The following NRXN1 variants were observed in gnomAD, a reference collection of about 807,000 sequenced individuals.
The protein encoded by NRXN1 is neurexin 1.
NRXN1 carries 39 observed loss-of-function variants against 150.9 expected under a neutral mutation model. The observed-to-expected ratio is 0.26, with a 90% CI of 0.20 to 0.34. The LOEUF (loss-of-function observed/expected upper bound fraction) is 0.34. NRXN1 is among the 10% of genes least tolerant of loss of function. The pLI, the probability that NRXN1 is intolerant of heterozygous loss-of-function variation, is 1.00. For missense variants in NRXN1, 1,815 were observed against 1,949.9 expected, an observed-to-expected ratio of 0.93 and a Z score of 1.30; for synonymous variants, 924 against 757.0, an observed-to-expected ratio of 1.22 and a Z score of -3.62.
At chr2:50,737,301 G>A (rs1698887213) in intron 5 of NRXN1, among the ~76,000 whole-genome samples, 1 of 152,158 alleles carries the variant, frequency 6.6e-6, no homozygotes, top group Non-Finnish European at 1.5e-5. Context: ...AAAGGTCAGT[G>A]TTTGAAAATT....
At chr2:50,260,629 G>GTT (rs10601394) in intron 17 of NRXN1, among the ~76,000 whole-genome samples, 1,691 of 113,038 alleles carry the variant, frequency 0.015, 41 homozygotes, top group African/African-American at 0.053. Context: ...TTTTTTTTCC[G>GTT]TTTTTTTTTT....
intron 18 of NRXN1, among the ~76,000 whole-genome samples, chr2:50,212,299 C>CAAA (rs10668763): frequency 0.07 from 7,585 of 108,162 alleles, 245 homozygotes; most frequent in South Asian, 0.15. Flanking sequence ...TTTGAATTTG[C>CAAA]AAAAAAAAAA....
At chr2:49,983,191 T>C (rs1488700327) in intron 21 of NRXN1, among the ~76,000 whole-genome samples, 3 of 152,192 alleles carry the variant, frequency 2.0e-5, no homozygotes, top group Non-Finnish European at 2.9e-5. Flanking sequence ...GTGTTTGTTA[T>C]AGTTTGTATA....
At chr2:50,914,885 C>A (rs1276965996) in intron 5 of NRXN1, among the ~76,000 whole-genome samples, 1 of 151,590 alleles carries the variant, frequency 6.6e-6, no homozygotes, top group Non-Finnish European at 1.5e-5. Flanking sequence ...TCTATTTGTG[C>A]CAGTCACTGC....
At chr2:50,436,243 C>T (rs984102832) in intron 17 of NRXN1, among the ~76,000 whole-genome samples, 3 of 152,064 alleles carry the variant, frequency 2.0e-5, no homozygotes, top group Non-Finnish European at 4.4e-5. Flanking sequence ...CACCAGAGGT[C>T]GGGAGTTCGA....
rs918304622 is a variant in NRXN1 at position 49,920,596 on chromosome 2, G to C, written c.*1348C>G. 4 of 152,320 alleles carry C rather than the reference G, an allele frequency of 2.6e-5. No individual in the cohort carries two copies. Among genetic ancestry groups the C allele is most frequent in the African/African-American group, 9.7e-5 (4 of 41,336 alleles). The allele number at this position is 152,320 out of a possible 1,614,324, so 9.4% of individuals were successfully genotyped here. A position where few individuals can be genotyped will look rare whatever the true frequency, so the allele number is the denominator to read the frequency against. On this transcript the variant is annotated 3_prime_UTR_variant, in exon 23 of 23. Transcript: ENST00000401669. ...TCACCCCATTTGTCATCAATACCTT[G>C]GCACAACCCTCTTCCTTCCTGCTTT... is the stretch of plus-strand genomic sequence containing the variant.
At chr2:50,478,695 C>G (rs1491002869) in intron 15 of NRXN1, among the ~76,000 whole-genome samples, 1 of 152,174 alleles carries the variant, frequency 6.6e-6, no homozygotes, top group Non-Finnish European at 1.5e-5. Flanking sequence ...CTAGGTCCAG[C>G]CTAAAATCAA....
chr2:50,856,153 A>C (rs1675244858), intron 5 of NRXN1, among the ~76,000 whole-genome samples: 1 of 151,998 alleles, frequency 6.6e-6, no homozygotes, highest in African/African-American at 2.4e-5. Flanking sequence ...GAGATAATAA[A>C]CTTCAACCAT....
At chr2:50,396,217 G>C (rs1239149265) in intron 17 of NRXN1, among the ~76,000 whole-genome samples, 1 of 152,126 alleles carries the variant, frequency 6.6e-6, no homozygotes, top group African/African-American at 2.4e-5. Context: ...AGATAAAAGT[G>C]TAAGTGGTTT....
At chr2:50,715,091 T>C (rs757599782) in intron 5 of NRXN1, among the ~76,000 whole-genome samples, 3 of 152,084 alleles carry the variant, frequency 2.0e-5, no homozygotes, top group African/African-American at 7.2e-5. Flanking sequence ...TGGAAAACAA[T>C]GCAAAAATTT....
At chr2:50,488,552 C>A (rs764074765) in intron 15 of NRXN1, among the ~76,000 whole-genome samples, 1 of 152,180 alleles carries the variant, frequency 6.6e-6, no homozygotes, top group African/African-American at 2.4e-5. Flanking sequence ...TGGCTTATTG[C>A]TAAGAGCTTT....
In NRXN1 at chr2:50,346,778, G is replaced by A; in HGVS notation, c.3365-109808C>T. 1 of 1,613,768 alleles carries A rather than the reference G, an allele frequency of 6.2e-7. No homozygotes were observed. Among genetic ancestry groups the A allele is most frequent in the Non-Finnish European group, 8.5e-7 (1 of 1,179,966 alleles). ...CTGCTGCCATGGAAATGGTGGATGT[G>A]GTGCGCTCCCAAACTGGATGCCCCC... On this transcript the variant is annotated intron_variant, in intron 17 of 22. Coordinates refer to ENST00000401669, the MANE Select transcript of NRXN1 (RefSeq NM_001330078.2). This position sits in a 1 kb window ranked among gnomAD's most constrained non-coding sequence, Gnocchi z 5.0.
In NRXN1 at chr2:50,510,424, T is replaced by C. The variant is rs577975033; in HGVS notation, c.2375-3807A>G. Among the ~76,000 whole-genome samples the C allele has an allele frequency of 4.0e-3, 521 of 129,610 alleles. 1 individual carries two copies. Among genetic ancestry groups the C allele is most frequent in the African/African-American group, 0.015 (507 of 34,254 alleles). 85.0% of individuals were successfully genotyped at this position (129,610 alleles called of 152,430 possible). On this transcript the variant is annotated intron_variant, in intron 12 of 22. Transcript: ENST00000401669. The stretch of plus-strand genomic sequence containing the variant: ...TTGCTTGAACCCAGGAGGCGGAGGT[T>C]GCAGTGAGCCGAGATCTCGCCATTG...
chr2:49,963,835 C>G (rs1676433692), intron 21 of NRXN1, among the ~76,000 whole-genome samples: 2 of 152,170 alleles, frequency 1.3e-5, no homozygotes, highest in South Asian at 4.1e-4. Flanking sequence ...AGAGCTAATA[C>G]TATCAGTAAA....
chr2:50,678,984 G>A (rs756974655), intron 5 of NRXN1, among the ~76,000 whole-genome samples: 35 of 152,208 alleles, frequency 2.3e-4, no homozygotes, highest in Non-Finnish European at 2.8e-4. Flanking sequence ...TACGGTCAGA[G>A]TTGGGAAGGA....
intron 5 of NRXN1, among the ~76,000 whole-genome samples, chr2:50,633,879 T>G (rs1306937096): frequency 6.6e-6 from 1 of 151,928 alleles, no homozygotes; most frequent in Non-Finnish European, 1.5e-5. Context: ...AAGAGTGCAA[T>G]GAGGGTGTGC....
At chr2:50,417,627 C>A (rs1285804556) in intron 17 of NRXN1, among the ~76,000 whole-genome samples, 1 of 151,776 alleles carries the variant, frequency 6.6e-6, no homozygotes, top group African/African-American at 2.4e-5. Flanking sequence ...AATAACCTAG[C>A]TATCACAATT....
At chr2:50,477,760 C>T (rs10208370) in intron 15 of NRXN1, among the ~76,000 whole-genome samples, 79,471 of 151,804 alleles carry the variant, frequency 0.52, 21,112 homozygotes, top group Middle Eastern at 0.6. Context: ...GAAGCTCTCA[C>T]AAACTTTTAT....
At chr2:50,382,573 G>C (rs140768050) in intron 17 of NRXN1, among the ~76,000 whole-genome samples, 2 of 152,248 alleles carry the variant, frequency 1.3e-5, no homozygotes, top group East Asian at 1.9e-4. Context: ...TATTTATTAA[G>C]TGCACACAGC....
Sources: allele counts gnomAD v4.1 joint callset (sites outside exome capture counted in the v4.1 genomes callset), GRCh38; gene constraint gnomAD v4.1.1; non-coding constraint Gnocchi (gnomAD v3.1); transcripts MANE v1.5; gene names NCBI Gene and HGNC (gene_info 2026-07-23, HGNC 2026-07-21).